The following PGM1 variants were observed in gnomAD, a reference collection of about 807,000 sequenced individuals.
PGM1 encodes phosphoglucomutase-1.
In PGM1, 52 loss-of-function variants were observed where a neutral mutation model predicts 55.6. That is an observed-to-expected ratio of 0.94 (90% confidence interval 0.75 to 1.18). The LOEUF (loss-of-function observed/expected upper bound fraction) is 1.18. PGM1 is among the 50% of genes most tolerant of loss of function. PGM1 has a pLI of 0.00. For missense variants in PGM1, 724 were observed against 729.3 expected (o/e 0.99, Z 0.08); for synonymous variants, 287 against 271.7 (o/e 1.06, Z -0.55).
chr1:63,622,894 C>G (rs1648919539), intron 1 of PGM1, among the ~76,000 whole-genome samples: 1 of 152,138 alleles, frequency 6.6e-6, no homozygotes, highest in African/African-American at 2.4e-5. Context: ...TAAGATTGAC[C>G]TTTAACTTGC....
At chr1:63,599,465 A>C (rs1445150853) in intron 1 of PGM1, among the ~76,000 whole-genome samples, 2 of 151,406 alleles carry the variant, frequency 1.3e-5, no homozygotes, top group Non-Finnish European at 2.9e-5. Context: ...CACCCGGCCC[A>C]AGTCACTTTT....
intron 10 of PGM1, among the ~76,000 whole-genome samples, chr1:63,658,076 C>T (rs528116289): frequency 6.6e-6 from 1 of 152,318 alleles, no homozygotes; most frequent in Admixed American, 6.5e-5. Context: ...CGGGGAGCTG[C>T]CTTTCCTTAT....
At chr1:63,600,523 G>T (rs555811938) in intron 1 of PGM1, among the ~76,000 whole-genome samples, 14 of 152,264 alleles carry the variant, frequency 9.2e-5, no homozygotes, top group Middle Eastern at 3.4e-3. Context: ...GAGCTGTGGG[G>T]TTCTCGTTGA....
chr1:63,624,600 A>G (rs1246181115), intron 1 of PGM1, among the ~76,000 whole-genome samples: 2 of 152,184 alleles, frequency 1.3e-5, no homozygotes, highest in Non-Finnish European at 2.9e-5. Flanking sequence ...ATACATTTTT[A>G]GTGTTTTAGA....
intron 7 of PGM1, 150 bp from the exon 8 acceptor site, chr1:63,648,367 A>G (rs903698932): frequency 5.0e-6 from 4 of 805,804 alleles, no homozygotes; most frequent in Non-Finnish European, 8.4e-6. Context: ...GCAAGGGGGA[A>G]CTTTGTCCCC....
chr1:63,635,065 GA>G (rs1310512769), intron 5 of PGM1, 46 bp downstream of exon 5: 3 of 1,519,516 alleles, frequency 2.0e-6, no homozygotes, highest in Non-Finnish European at 2.7e-6. Context: ...GGCCAGGCCT[GA>G]TCCTGCAGAT....
At chr1:63,627,254 C>G (rs1387981113) in intron 1 of PGM1, among the ~76,000 whole-genome samples, 1 of 151,986 alleles carries the variant, frequency 6.6e-6, no homozygotes. Context: ...CAGGTATATA[C>G]CTAGAAGTGG....
At chr1:63,595,443 A>G (rs1216654619) in intron 1 of PGM1, among the ~76,000 whole-genome samples, 1 of 152,206 alleles carries the variant, frequency 6.6e-6, no homozygotes, top group Non-Finnish European at 1.5e-5. Context: ...CCAGGCTCCA[A>G]AATCTAAACT....
At chr1:63,639,380 G>T (rs1361495166) in intron 7 of PGM1, among the ~76,000 whole-genome samples, 1 of 151,642 alleles carries the variant, frequency 6.6e-6, no homozygotes, top group Admixed American at 6.6e-5. Context: ...GTGAAAGAAG[G>T]GTACATAGTA....
At position 63,634,840 on chromosome 1, in the gene PGM1, T is replaced by C. The variant is rs1649318603; in HGVS notation, c.694T>C (p.Tyr232His). 1 of 1,612,696 alleles carries C rather than the reference T, an allele frequency of 6.2e-7. No homozygotes were observed. Among genetic ancestry groups the C allele is most frequent in the Admixed American group, 1.7e-5 (1 of 60,004 alleles). The part of the protein sequence containing the change: ...IDAMHGVVGP[Y>H]VKKILCEELG... Reference sequence around the variant, plus strand: ...CATGCTGTATATAGTTGTGGGACCGTATGTAAAGAAGATCCTCTGTGAAGA... The same window carrying C: ...CATGCTGTATATAGTTGTGGGACCGCATGTAAAGAAGATCCTCTGTGAAGA... Residue 232 changes from tyrosine (Y) to histidine (H), a missense_variant, in exon 5 of 11, where the codon TAT becomes CAT. Transcript: ENST00000371084.
At chr1:63,606,432 C>G (rs191395411) in intron 1 of PGM1, among the ~76,000 whole-genome samples, 6 of 152,276 alleles carry the variant, frequency 3.9e-5, no homozygotes, top group Admixed American at 3.9e-4. Context: ...CCATTATACA[C>G]AGGGACCCAT....
chr1:63,609,691 C>T (rs1648516277), intron 1 of PGM1, among the ~76,000 whole-genome samples: 2 of 152,150 alleles, frequency 1.3e-5, no homozygotes, highest in African/African-American at 4.8e-5. Context: ...TGAGCCACAC[C>T]TCCCAGTCCA....
At chr1:63,626,476 T>G (rs560210790) in intron 1 of PGM1, among the ~76,000 whole-genome samples, 6 of 152,296 alleles carry the variant, frequency 3.9e-5, no homozygotes, top group African/African-American at 1.4e-4. Flanking sequence ...ACAATCCTTG[T>G]CCTTTTGCAT....
intron 1 of PGM1, among the ~76,000 whole-genome samples, chr1:63,621,387 AG>A (rs746191176): frequency 3.9e-5 from 6 of 152,128 alleles, no homozygotes; most frequent in Non-Finnish European, 5.9e-5. Context: ...TGGGATTTCA[AG>A]ATCTCATTAA....
At chr1:63,627,290 G>T (rs1416229391) in intron 1 of PGM1, among the ~76,000 whole-genome samples, 2 of 152,108 alleles carry the variant, frequency 1.3e-5, no homozygotes, top group African/African-American at 4.8e-5. Flanking sequence ...TTTGGAGTCA[G>T]AAAAGGGACA....
intron 1 of PGM1, among the ~76,000 whole-genome samples, chr1:63,609,427 G>T (rs1039576063): frequency 2.0e-5 from 3 of 152,198 alleles, no homozygotes; most frequent in African/African-American, 7.2e-5. Context: ...GTGGTTGGGG[G>T]TACAGGATGA....
rs746402592 is a variant in PGM1 at position 63,654,399 on chromosome 1, G to C, written c.1532G>C (p.Gly511Ala). The C allele has an allele frequency of 1.9e-6, 3 of 1,613,818 alleles. No homozygotes were observed. Among genetic ancestry groups the C allele is most frequent in the Non-Finnish European group, 2.5e-6 (3 of 1,179,710 alleles). Residue 511 changes from glycine to alanine, a missense_variant, in exon 10 of 11, where the codon GGG becomes GCG. Physicochemically the swap from Gly to Ala is moderately conservative, Grantham distance 60. Around this residue, in one of 3 missense-constraint regions of PGM1, gnomAD observed 316 missense variants for 313.1 expected, o/e 1.01. Coordinates refer to ENST00000371084, the MANE Select transcript of PGM1 (RefSeq NM_002633.3). ...VFRLSGTGSA[G>A]ATIRLYIDSY... Reference sequence around the variant, plus strand: ...CGACTGAGCGGCACTGGGAGTGCCGGGGCCACCATTCGGCTGTACATCGAT... The same window carrying C: ...CGACTGAGCGGCACTGGGAGTGCCGCGGCCACCATTCGGCTGTACATCGAT...
chr1:63,654,196 G>C (rs1649894386), intron 9 of PGM1, 136 bp from the exon 10 acceptor site: 8 of 865,302 alleles, frequency 9.2e-6, no homozygotes, highest in Non-Finnish European at 1.6e-5. Flanking sequence ...AGGTGCAGCT[G>C]CTGCCATTTA....
intron 6 of PGM1, among the ~76,000 whole-genome samples, chr1:63,637,888 T>C (rs1335087470): frequency 6.6e-6 from 1 of 152,236 alleles, no homozygotes; most frequent in African/African-American, 2.4e-5. Flanking sequence ...TCCTCAAATA[T>C]CAGAATGCAA....
Sources: allele counts gnomAD v4.1 joint callset (sites outside exome capture counted in the v4.1 genomes callset), GRCh38; gene constraint gnomAD v4.1.1; regional missense constraint gnomAD v4.1.1; transcripts MANE v1.5; gene names NCBI Gene and HGNC (gene_info 2026-07-23, HGNC 2026-07-21).